Variants in ELP1 observed in about 807,000 individuals in gnomAD.
ELP1 encodes the protein elongator acetyltransferase complex subunit 1.
ELP1 carries 131 observed loss-of-function variants against 183.2 expected under a neutral mutation model. The observed-to-expected ratio is 0.72, with a 90% CI of 0.62 to 0.83. ELP1 has a LOEUF of 0.83. Ranked by LOEUF, ELP1 falls within the 40% of genes least tolerant of loss-of-function variation. The pLI, the probability that ELP1 is intolerant of heterozygous loss-of-function variation, is 0.00. For synonymous variants in ELP1, 555 were observed against 569.0 expected, an observed-to-expected ratio of 0.98 and a Z score of 0.35; for missense variants, 1,550 against 1,594.9, an observed-to-expected ratio of 0.97 and a Z score of 0.48.
At chr9:108,875,727 TC>T in intron 35 of ELP1, 2 of 429,006 alleles carry the variant, frequency 4.7e-6, no homozygotes, top group Non-Finnish European at 4.6e-6. Context: ...AGACTCCCTC[TC>T]CCCATGTCTA....
intron 10 of ELP1, among the ~76,000 whole-genome samples, chr9:108,913,774 G>A (rs901456919): frequency 5.3e-5 from 8 of 152,226 alleles, no homozygotes; most frequent in Middle Eastern, 3.4e-3. Context: ...AGCCTCCCGA[G>A]TAGCTAGGAC....
At chr9:108,869,306 G>A in intron 36 of ELP1, 124 bp from the exon 37 acceptor site, 1 of 821,828 alleles carries the variant, frequency 1.2e-6, no homozygotes, top group Non-Finnish European at 2.1e-6. Flanking sequence ...ATCAGAGCCA[G>A]AGTTCATGTG....
At chr9:108,895,690 A>G (rs1315916612) in intron 25 of ELP1, among the ~76,000 whole-genome samples, 1 of 152,104 alleles carries the variant, frequency 6.6e-6, no homozygotes, top group Non-Finnish European at 1.5e-5. Flanking sequence ...GAAGGATCCG[A>G]TTTTCATTTT....
At chr9:108,911,946 T>C (rs1829237378) in intron 11 of ELP1, among the ~76,000 whole-genome samples, 2 of 152,110 alleles carry the variant, frequency 1.3e-5, no homozygotes, top group Non-Finnish European at 2.9e-5. Context: ...CAGATAAAGC[T>C]AACACACCCA....
intron 1 of ELP1, among the ~76,000 whole-genome samples, chr9:108,932,123 C>T (rs1830019970): frequency 6.6e-6 from 1 of 152,048 alleles, no homozygotes; most frequent in South Asian, 2.1e-4. Context: ...CTTGGCACCC[C>T]ACATATGTAT....
At chr9:108,885,592 A>AAT (rs1490831890) in intron 29 of ELP1, among the ~76,000 whole-genome samples, 1 of 152,230 alleles carries the variant, frequency 6.6e-6, no homozygotes, top group Non-Finnish European at 1.5e-5. Flanking sequence ...TAAAGAAAAA[A>AAT]ATATCTCCCA....
chr9:108,890,105 AAAG>A (rs1828267581), intron 28 of ELP1, among the ~76,000 whole-genome samples: 1 of 152,244 alleles, frequency 6.6e-6, no homozygotes, highest in Admixed American at 6.5e-5. Context: ...TAAGAGCTGT[AAAG>A]AATAGAAGAG....
chr9:108,893,034 C>T lies in ELP1; in HGVS notation c.2910G>A (p.Leu970=), dbSNP rs146198104. The change falls in exon 27 of 37, where the codon TTG becomes TTA. Residue 970 remains leucine, a synonymous_variant. Coordinates refer to ENST00000374647, the MANE Select transcript of ELP1 (RefSeq NM_003640.5). ...ECLNLIKDKN[L]YNEALKLYSP... is the part of the protein sequence containing the mutation. ...AATATAACTTCAGAGCTTCGTTATA[C>T]AAGTTTTTATCTTTTATCAAGTTTA... 1 of 1,613,946 alleles carries T rather than the reference C, an allele frequency of 6.2e-7. No homozygotes were observed. The highest frequency in any genetic ancestry group is 2.2e-5 in the East Asian group (1 of 44,872).
At chr9:108,925,766 T>G (rs1008640110) in intron 5 of ELP1, among the ~76,000 whole-genome samples, 4 of 152,190 alleles carry the variant, frequency 2.6e-5, no homozygotes, top group Admixed American at 6.5e-5. Flanking sequence ...CCTAGGCTAG[T>G]ATCAAACTCC....
Position 108,872,533 on chromosome 9 carries a change from G to C in ELP1, c.3931+2362C>G, listed in dbSNP as rs749098973. ...AAAAAACTAGTTACAGGCCGGGCGC[G>C]GTGGCTCACGCTTGTAATCCCAGCA... On this transcript the variant is annotated intron_variant, in intron 36 of 36. Coordinates refer to ENST00000374647, the MANE Select transcript of ELP1 (RefSeq NM_003640.5). Among the ~76,000 whole-genome samples, 3 of 151,992 alleles carry C rather than the reference G, an allele frequency of 2.0e-5. No homozygotes were observed. The East Asian group carries it at 5.8e-4, about 29-fold the overall frequency.
At chr9:108,918,223 T>C (rs1428149247) in intron 8 of ELP1, among the ~76,000 whole-genome samples, 2 of 152,178 alleles carry the variant, frequency 1.3e-5, no homozygotes, top group Non-Finnish European at 2.9e-5. Context: ...ATACAACAGA[T>C]ATCACCGAAA....
At chr9:108,928,680 C>A (rs949406925) in intron 3 of ELP1, among the ~76,000 whole-genome samples, 1 of 151,914 alleles carries the variant, frequency 6.6e-6, no homozygotes, top group African/African-American at 2.4e-5. Context: ...CACTAAAGGG[C>A]AGAATCAGCA....
intron 8 of ELP1, 95 bp downstream of exon 8, chr9:108,918,716 T>C: frequency 3.4e-6 from 3 of 877,588 alleles, no homozygotes; most frequent in Non-Finnish European, 5.9e-6. Flanking sequence ...AAAATCCTTT[T>C]GTGTTACACA....
intron 6 of ELP1, among the ~76,000 whole-genome samples, chr9:108,920,982 T>C (rs765887133): frequency 2.0e-5 from 3 of 152,184 alleles, no homozygotes; most frequent in Admixed American, 1.3e-4. Flanking sequence ...TAACAAAGTA[T>C]GGAAAACTGC....
chr9:108,885,687 T>C (rs1467630375), intron 29 of ELP1, among the ~76,000 whole-genome samples: 1 of 152,208 alleles, frequency 6.6e-6, no homozygotes, highest in Admixed American at 6.5e-5. Context: ...CCTTCAGGCA[T>C]TGCATTGGTA....
At chr9:108,930,003 T>A in intron 2 of ELP1, 82 bp from the exon 3 acceptor site, 1 of 1,480,156 alleles carries the variant, frequency 6.8e-7, no homozygotes, top group Non-Finnish European at 9.4e-7. Context: ...TACTTTTTAA[T>A]GCTTCTTTTA....
At chr9:108,915,661 C>T (rs530016710) in intron 10 of ELP1, among the ~76,000 whole-genome samples, 8 of 152,084 alleles carry the variant, frequency 5.3e-5, no homozygotes, top group African/African-American at 1.4e-4. Flanking sequence ...CTCTCCCTCC[C>T]GCCCCACCCT....
chr9:108,876,671 G>A (rs111822718), intron 35 of ELP1, among the ~76,000 whole-genome samples: 1 of 151,870 alleles, frequency 6.6e-6, no homozygotes, highest in African/African-American at 2.4e-5. Context: ...AACACCAGAG[G>A]GGGAGTACAA....
In ELP1 at chr9:108,916,188, A is replaced by G. The variant is rs1829423108; in HGVS notation, c.958+16T>C. 1 of 1,591,514 alleles carries G rather than the reference A, an allele frequency of 6.3e-7. No individual in the cohort carries two copies. The highest frequency in any genetic ancestry group is 8.6e-7 in the Non-Finnish European group (1 of 1,159,442). On this transcript the variant is annotated intron_variant, in intron 10 of 36. Coordinates refer to ENST00000374647, the MANE Select transcript of ELP1 (RefSeq NM_003640.5). Reference sequence around the variant, plus strand: ...GTTTTATGGGGCAGAAGGCTGGGGTACTACAGCTGTCTTACCACAGGTTTT... The same window carrying G: ...GTTTTATGGGGCAGAAGGCTGGGGTGCTACAGCTGTCTTACCACAGGTTTT...
Sources: gnomAD v4.1 joint callset for allele counts (sites outside exome capture counted in the v4.1 genomes callset) on GRCh38, gnomAD v4.1.1 for gene constraint, MANE v1.5 for transcripts, NCBI Gene and HGNC (gene_info 2026-07-23, HGNC 2026-07-21) for gene names.